Variants in PTP4A3 observed in about 807,000 individuals in gnomAD.
PTP4A3 encodes protein tyrosine phosphatase 4A3, also known as protein tyrosine phosphatase type IVA 3.
In PTP4A3, 9 loss-of-function variants were observed where a neutral mutation model predicts 15.2. That is an observed-to-expected ratio of 0.59 (90% CI 0.36 to 1.03). The LOEUF is 1.03. PTP4A3 is among the 50% of genes least tolerant of loss of function. The pLI is 0.02. For missense variants in PTP4A3, 234 were observed against 252.1 expected (o/e 0.93, Z 0.49); for synonymous variants, 95 against 102.0 (o/e 0.93, Z 0.41).
At chr8:141,427,126 C>G in intron 4 of PTP4A3, 57 bp downstream of exon 4, 3 of 1,571,872 alleles carry the variant, frequency 1.9e-6, no homozygotes, top group Admixed American at 1.7e-5. Context: ...ATCTCGTGGT[C>G]TGACAGCCTC....
intron 2 of PTP4A3, among the ~76,000 whole-genome samples, chr8:141,422,824 C>T (rs1833398556): frequency 6.6e-6 from 1 of 152,194 alleles, no homozygotes; most frequent in Non-Finnish European, 1.5e-5. Context: ...TCAGCGCTGA[C>T]CACAGGAGGG....
chr8:141,397,975 C>A (rs1028073203), intron 1 of PTP4A3, among the ~76,000 whole-genome samples: 1 of 152,214 alleles, frequency 6.6e-6, no homozygotes, highest in Admixed American at 6.5e-5. Context: ...GATGCAGGAC[C>A]CTGGACAGTC....
chr8:141,407,080 C>T (rs1200299534), intron 1 of PTP4A3, among the ~76,000 whole-genome samples: 1 of 152,172 alleles, frequency 6.6e-6, no homozygotes, highest in Non-Finnish European at 1.5e-5. Context: ...CCACTGGGAC[C>T]TCTCTTCCTC....
intron 1 of PTP4A3, among the ~76,000 whole-genome samples, chr8:141,402,748 G>T (rs1284814043): frequency 8.4e-6 from 1 of 118,634 alleles, no homozygotes; most frequent in East Asian, 2.4e-4. Flanking sequence ...CCCTGCTTCC[G>T]CTTTCTCATC....
chr8:141,418,806 G>T (rs1302206711), intron 1 of PTP4A3, among the ~76,000 whole-genome samples: 1 of 152,194 alleles, frequency 6.6e-6, no homozygotes, highest in Non-Finnish European at 1.5e-5. Flanking sequence ...AGTTCTCAGT[G>T]CCCATCCCTG....
At chr8:141,423,055 T>C (rs763108882) in intron 2 of PTP4A3, among the ~76,000 whole-genome samples, 4 of 152,230 alleles carry the variant, frequency 2.6e-5, no homozygotes, top group Non-Finnish European at 5.9e-5. Flanking sequence ...ACAGAGCCTC[T>C]GACTGTGCCA....
At chr8:141,400,693 G>A (rs1218788647) in intron 1 of PTP4A3, among the ~76,000 whole-genome samples, 5 of 152,202 alleles carry the variant, frequency 3.3e-5, no homozygotes, top group African/African-American at 1.2e-4. Flanking sequence ...GTGCCCGGCT[G>A]TGTGTCTGCC....
chr8:141,420,215 C>A (rs1301944019), intron 1 of PTP4A3, among the ~76,000 whole-genome samples: 1 of 152,144 alleles, frequency 6.6e-6, no homozygotes, highest in Non-Finnish European at 1.5e-5. Flanking sequence ...GGGTAGCAGG[C>A]AGTAGTGACA....
chr8:141,412,656 T>C (rs1033287837), intron 1 of PTP4A3, among the ~76,000 whole-genome samples: 1 of 152,252 alleles, frequency 6.6e-6, no homozygotes, highest in African/African-American at 2.4e-5. Flanking sequence ...CTCTGGATCC[T>C]TTCTGCAGAG....
At chr8:141,399,331 G>A (rs1260230438) in intron 1 of PTP4A3, among the ~76,000 whole-genome samples, 1 of 152,178 alleles carries the variant, frequency 6.6e-6, no homozygotes, top group Non-Finnish European at 1.5e-5. Flanking sequence ...CCCGTCCTGG[G>A]TCAGCCGCAG....
chr8:141,423,562 G>T (rs1414982947), intron 2 of PTP4A3, among the ~76,000 whole-genome samples: 1 of 151,324 alleles, frequency 6.6e-6, no homozygotes, highest in Admixed American at 6.6e-5. Flanking sequence ...TCAGGGCTCA[G>T]TATGTGACCA....
intron 1 of PTP4A3, among the ~76,000 whole-genome samples, chr8:141,413,418 T>C (rs1326209764): frequency 6.6e-6 from 1 of 152,252 alleles, no homozygotes; most frequent in Non-Finnish European, 1.5e-5. Context: ...ACCGTGGGCA[T>C]GCAGGCCTAA....
chr8:141,430,659 C>G (rs1380946372), intron 5 of PTP4A3, among the ~76,000 whole-genome samples: 3 of 152,150 alleles, frequency 2.0e-5, no homozygotes, highest in Non-Finnish European at 4.4e-5. Context: ...CTAGGGAAGC[C>G]TGGGGGCCGT....
At chr8:141,427,692 G>A in intron 4 of PTP4A3, 58 bp from the exon 5 acceptor site, 2 of 1,467,198 alleles carry the variant, frequency 1.4e-6, no homozygotes, top group South Asian at 1.2e-5. Context: ...CAGGTGCCCT[G>A]CCAAGGGGAC....
chr8:141,399,269 C>G (rs1289423258), intron 1 of PTP4A3, among the ~76,000 whole-genome samples: 2 of 152,248 alleles, frequency 1.3e-5, no homozygotes, highest in African/African-American at 4.8e-5. Context: ...CCTCCTCTGG[C>G]TCGCCTGGTC....
chr8:141,428,207 C>T lies in PTP4A3; in HGVS notation c.404+383C>T, dbSNP rs145471937. On this transcript the variant is annotated intron_variant, in intron 5 of 5. Coordinates refer to ENST00000521578, the MANE Select transcript of PTP4A3 (RefSeq NM_032611.3). ...ACCACACCGTGTCCACCCCCAGGGACGCTGACAGTGGGCTAGTGTCTCAGG... is the reference window on the plus strand; with the variant it reads ...ACCACACCGTGTCCACCCCCAGGGATGCTGACAGTGGGCTAGTGTCTCAGG... 4.1e-3 allele frequency among the ~76,000 whole-genome samples: 631 copies of T among 152,214 alleles called. 2 individuals are homozygous for T. Among genetic ancestry groups the T allele is most frequent in the African/African-American group, 0.014 (578 of 41,502 alleles).
At chr8:141,403,748 G>A (rs190793725) in intron 1 of PTP4A3, among the ~76,000 whole-genome samples, 281 of 152,348 alleles carry the variant, frequency 1.8e-3, no homozygotes, top group Non-Finnish European at 1.3e-3. Context: ...GGGCCAGTGA[G>A]TGGTAACGGA....
chr8:141,403,856 G>A (rs1006640241), intron 1 of PTP4A3, among the ~76,000 whole-genome samples: 8 of 152,206 alleles, frequency 5.3e-5, no homozygotes, highest in East Asian at 1.9e-4. Flanking sequence ...GTATTGCCAC[G>A]CATTCGTCTG....
At position 141,406,935 on chromosome 8, in the gene PTP4A3, C is replaced by T. The variant is rs1832744026; in HGVS notation, c.-853-14453C>T. Reference sequence around the variant, plus strand: ...TCCAAAAATGCGCTCAGAAATCTTTCCTGTCCTCTAGGGCCCATCTCTGAT... The same window carrying T: ...TCCAAAAATGCGCTCAGAAATCTTTTCTGTCCTCTAGGGCCCATCTCTGAT... On this transcript the variant is annotated intron_variant, in intron 1 of 5. Coordinates refer to ENST00000521578, the MANE Select transcript of PTP4A3 (RefSeq NM_032611.3). The surrounding 1 kb of genome is among the most constrained non-coding windows in gnomAD (Gnocchi z 4.5). Among the ~76,000 whole-genome samples, 1 of 152,230 alleles carries T rather than the reference C, an allele frequency of 6.6e-6. No homozygotes were observed. Among genetic ancestry groups the T allele is most frequent in the Admixed American group, 6.5e-5 (1 of 15,280 alleles).
Sources: allele counts gnomAD v4.1 joint callset (sites outside exome capture counted in the v4.1 genomes callset), GRCh38; gene constraint gnomAD v4.1.1; non-coding constraint Gnocchi (gnomAD v3.1); transcripts MANE v1.5; gene names NCBI Gene and HGNC (gene_info 2026-07-23, HGNC 2026-07-21).